The following MAP2K4 variants were observed in gnomAD, a reference collection of about 807,000 sequenced individuals.
MAP2K4 encodes the protein dual specificity mitogen-activated protein kinase kinase 4.
MAP2K4 carries 4 observed loss-of-function variants against 48.5 expected under a neutral mutation model. The ratio of observed to expected loss-of-function variants is 0.08; its 90% CI spans 0.04 to 0.19. MAP2K4 has a LOEUF of 0.19. MAP2K4 is among the 10% of genes least tolerant of loss of function. MAP2K4 has a pLI of 1.00. For missense variants in MAP2K4, 258 were observed against 493.3 expected, an observed-to-expected ratio of 0.52 and a Z score of 4.52; for synonymous variants, 166 against 173.1, an observed-to-expected ratio of 0.96 and a Z score of 0.32.
intron 8 of MAP2K4, among the ~76,000 whole-genome samples, chr17:12,125,971 C>T (rs1371916803): frequency 6.6e-6 from 1 of 152,032 alleles, no homozygotes; most frequent in African/African-American, 2.4e-5. Context: ...CCTCACAGCT[C>T]CACAGGTCGT....
At chr17:12,070,193 C>A (rs2151538917) in intron 2 of MAP2K4, among the ~76,000 whole-genome samples, 1 of 151,668 alleles carries the variant, frequency 6.6e-6, no homozygotes, top group South Asian at 2.1e-4. Context: ...TGGTTCTAGG[C>A]ACAAGAAGAT....
rs376132712 is a variant in MAP2K4, at chr17:12,063,739, G to C, written c.218+8748G>C. ...TGTAATCCTAGCACTTTGGGAGGCCGAGGCAGGCGGGTCACTTGAGGTCAG... is the reference window on the plus strand; with the variant it reads ...TGTAATCCTAGCACTTTGGGAGGCCCAGGCAGGCGGGTCACTTGAGGTCAG... On this transcript the variant is annotated intron_variant, in intron 2 of 10. Coordinates refer to ENST00000353533, the MANE Select transcript of MAP2K4 (RefSeq NM_003010.4). Among the ~76,000 whole-genome samples the C allele has an allele frequency of 4.1e-4, 62 of 152,108 alleles. No homozygotes were observed. The East Asian group carries it at 5.8e-3, about 14-fold the overall frequency.
At chr17:12,079,380 T>C (rs1464504124) in intron 2 of MAP2K4, among the ~76,000 whole-genome samples, 1 of 152,182 alleles carries the variant, frequency 6.6e-6, no homozygotes, top group African/African-American at 2.4e-5. Context: ...TATCTTTCAT[T>C]TCAGTTCTCA....
chr17:12,033,230 A>G (rs1969493431), intron 1 of MAP2K4, among the ~76,000 whole-genome samples: 1 of 152,230 alleles, frequency 6.6e-6, no homozygotes, highest in South Asian at 2.1e-4. Context: ...TAACATAAAA[A>G]TATACCAAAA....
At chr17:12,054,382 A>G (rs28918112) in intron 1 of MAP2K4, among the ~76,000 whole-genome samples, 36,900 of 152,004 alleles carry the variant, frequency 0.24, 5,209 homozygotes, top group Middle Eastern at 0.35. Flanking sequence ...AGCTTCATGG[A>G]AATAATTATT....
At chr17:12,028,168 A>G (rs1049968384) in intron 1 of MAP2K4, among the ~76,000 whole-genome samples, 1 of 152,232 alleles carries the variant, frequency 6.6e-6, no homozygotes, top group East Asian at 1.9e-4. Context: ...ACTGTGCTTC[A>G]TTAAACAGGC....
chr17:12,139,265 G>A (rs1470744685), intron 9 of MAP2K4, among the ~76,000 whole-genome samples: 1 of 152,182 alleles, frequency 6.6e-6, no homozygotes, highest in Non-Finnish European at 1.5e-5. Context: ...AGGAGAAAAT[G>A]TCAACAGAGC....
intron 9 of MAP2K4, among the ~76,000 whole-genome samples, chr17:12,139,016 TAA>T (rs1973294437): frequency 6.6e-6 from 1 of 152,150 alleles, no homozygotes; most frequent in Admixed American, 6.5e-5. Context: ...CCTTCCTTCT[TAA>T]AGAGGGAATC....
chr17:12,100,533 A>T (rs1971905324), intron 4 of MAP2K4, among the ~76,000 whole-genome samples: 1 of 152,156 alleles, frequency 6.6e-6, no homozygotes, highest in Admixed American at 6.5e-5. Flanking sequence ...GCATTTATGT[A>T]CAATTGTTTG....
intron 1 of MAP2K4, among the ~76,000 whole-genome samples, chr17:12,035,810 T>TA (rs952554555): frequency 5.9e-5 from 9 of 152,270 alleles, no homozygotes; most frequent in African/African-American, 1.7e-4. Flanking sequence ...CTATCACAAA[T>TA]AAAAAAGATT....
intron 1 of MAP2K4, among the ~76,000 whole-genome samples, chr17:12,051,096 G>A (rs145907374): frequency 6.6e-6 from 1 of 152,296 alleles, no homozygotes; most frequent in African/African-American, 2.4e-5. Flanking sequence ...AGTGGGGACA[G>A]GACTGCTCAA....
intron 1 of MAP2K4, among the ~76,000 whole-genome samples, chr17:12,053,788 C>G (rs375663029): frequency 1.3e-5 from 2 of 152,034 alleles, no homozygotes; most frequent in South Asian, 2.1e-4. Flanking sequence ...TTGCCATCTT[C>G]TCCATCCAGT....
intron 1 of MAP2K4, among the ~76,000 whole-genome samples, chr17:12,031,121 A>T (rs1470700053): frequency 6.6e-6 from 1 of 152,208 alleles, no homozygotes; most frequent in East Asian, 1.9e-4. Flanking sequence ...GGTTTGCCCT[A>T]GTACTTCTTT....
chr17:12,041,892 C>T lies in MAP2K4; in HGVS notation c.116-12997C>T, dbSNP rs529139569. Reference sequence around the variant, plus strand: ...GATTTCCAATGGTCAGAAGTCATGCCGATGGAGGCTGGGCGTGGTGGCTCA... The same window carrying T: ...GATTTCCAATGGTCAGAAGTCATGCTGATGGAGGCTGGGCGTGGTGGCTCA... On this transcript the variant is annotated intron_variant, in intron 1 of 10. Coordinates refer to ENST00000353533, the MANE Select transcript of MAP2K4 (RefSeq NM_003010.4). Among the ~76,000 whole-genome samples, 55 of 152,158 alleles carry T rather than the reference C, an allele frequency of 3.6e-4. No individual in the cohort carries two copies. The Middle Eastern group carries it at 0.014, about 38-fold the overall frequency.
At chr17:12,068,147 CTGAA>C (rs1268430546) in intron 2 of MAP2K4, among the ~76,000 whole-genome samples, 4 of 151,970 alleles carry the variant, frequency 2.6e-5, no homozygotes, top group African/African-American at 9.7e-5. Context: ...TGGAGGGTGA[CTGAA>C]TGAGAAAGGA....
intron 9 of MAP2K4, 34 bp from the exon 10 acceptor site, chr17:12,139,805 A>C (rs1037994011): frequency 1.4e-6 from 2 of 1,439,758 alleles, no homozygotes; most frequent in Non-Finnish European, 1.9e-6. Flanking sequence ...AAATGAATCT[A>C]CATTTTAATA....
At chr17:12,045,545 T>C (rs1009513296) in intron 1 of MAP2K4, among the ~76,000 whole-genome samples, 1 of 152,218 alleles carries the variant, frequency 6.6e-6, no homozygotes, top group Non-Finnish European at 1.5e-5. Context: ...TTCATAAGTT[T>C]GCATATTCTA....
intron 7 of MAP2K4, among the ~76,000 whole-genome samples, chr17:12,116,711 C>G (rs546938697): frequency 6.6e-6 from 1 of 152,246 alleles, no homozygotes. Flanking sequence ...CACATCTTGC[C>G]CCACTGGAAG....
At chr17:12,120,044 A>G (rs150053712) in intron 7 of MAP2K4, among the ~76,000 whole-genome samples, 356 of 152,320 alleles carry the variant, frequency 2.3e-3, no homozygotes, top group African/African-American at 8.3e-3. Flanking sequence ...AAAAATAACT[A>G]TTGGGTACTA....
Sources: allele counts gnomAD v4.1 joint callset (sites outside exome capture counted in the v4.1 genomes callset), GRCh38; gene constraint gnomAD v4.1.1; transcripts MANE v1.5; gene names NCBI Gene and HGNC (gene_info 2026-07-23, HGNC 2026-07-21).